Variants in KIAA1958 observed in about 807,000 individuals in gnomAD.
KIAA1958 encodes the protein KIAA1958.
KIAA1958 carries 14 observed loss-of-function variants against 47.2 expected under a neutral mutation model. That is an observed-to-expected ratio of 0.30 (90% CI 0.20 to 0.46). The LOEUF (loss-of-function observed/expected upper bound fraction) is 0.46, where lower values mean the gene tolerates loss of function less well. Ranked by LOEUF, KIAA1958 falls within the 20% of genes least tolerant of loss-of-function variation. The probability of loss-of-function intolerance (pLI) is 1.00; values close to 1 mark genes in which losing one functional copy is unlikely to be tolerated. For missense variants in KIAA1958, 803 were observed against 909.2 expected (o/e 0.88, Z 1.50); for synonymous variants, 354 against 353.3 (o/e 1.00, Z -0.02).
chr9:112,491,914 TTC>T (rs1447912250), intron 1 of KIAA1958, among the ~76,000 whole-genome samples: 2 of 152,220 alleles, frequency 1.3e-5, no homozygotes, highest in Non-Finnish European at 2.9e-5. Context: ...ATTGCAAATA[TTC>T]TGTCCCTTCA....
At chr9:112,534,998 A>AT (rs1424080618) in intron 1 of KIAA1958, among the ~76,000 whole-genome samples, 1 of 152,210 alleles carries the variant, frequency 6.6e-6, no homozygotes, top group Admixed American at 6.5e-5. Flanking sequence ...TAAAAATTGT[A>AT]TATATTTATG....
At chr9:112,614,079 G>A (rs1445105953) in intron 2 of KIAA1958, among the ~76,000 whole-genome samples, 1 of 152,196 alleles carries the variant, frequency 6.6e-6, no homozygotes, top group Non-Finnish European at 1.5e-5. Flanking sequence ...GTGCAGCAAT[G>A]AGGATAAATT....
intron 1 of KIAA1958, among the ~76,000 whole-genome samples, chr9:112,543,589 T>TTTTTTTTTTA (rs1834979973): frequency 1.6e-5 from 1 of 63,846 alleles, no homozygotes; most frequent in African/African-American, 6.2e-5. Context: ...TTTTTTTTTT[T>TTTTTTTTTTA]GAGACCCAGT....
chr9:112,491,103 T>A (rs1833961083), intron 1 of KIAA1958, among the ~76,000 whole-genome samples: 1 of 152,196 alleles, frequency 6.6e-6, no homozygotes, highest in Non-Finnish European at 1.5e-5. Flanking sequence ...TAGCTGGGAC[T>A]ACAGGCACGT....
chr9:112,634,423 G>C (rs979411619), intron 2 of KIAA1958, among the ~76,000 whole-genome samples: 1 of 151,998 alleles, frequency 6.6e-6, no homozygotes, highest in Non-Finnish European at 1.5e-5. Context: ...TAGAGACGGG[G>C]TTTCACCATA....
At chr9:112,591,976 C>T (rs1835931161) in intron 2 of KIAA1958, among the ~76,000 whole-genome samples, 1 of 152,282 alleles carries the variant, frequency 6.6e-6, no homozygotes, top group South Asian at 2.1e-4. Context: ...CCCTGACGCA[C>T]GTGGCCCTTG....
At chr9:112,519,844 C>A (rs949106546) in intron 1 of KIAA1958, among the ~76,000 whole-genome samples, 3 of 152,094 alleles carry the variant, frequency 2.0e-5, no homozygotes, top group African/African-American at 7.2e-5. Flanking sequence ...TTAATTGAAC[C>A]CCAGTAGATT....
At chr9:112,524,817 C>T (rs551192388) in intron 1 of KIAA1958, among the ~76,000 whole-genome samples, 3 of 152,246 alleles carry the variant, frequency 2.0e-5, no homozygotes, top group African/African-American at 7.2e-5. Context: ...CTAGTGCAGC[C>T]CTGGAATCCT....
At chr9:112,510,935 GGTGGGGACAATGTTGGTGCATT>G (rs1255888009) in intron 1 of KIAA1958, among the ~76,000 whole-genome samples, 5 of 152,012 alleles carry the variant, frequency 3.3e-5, no homozygotes, top group African/African-American at 1.2e-4. Context: ...AAATCCCTGA[GGTGGGGACAATGTTGGTGCATT>G]TGCAAAAAAG....
chr9:112,515,908 AAAAAAGAC>A (rs910297804), intron 1 of KIAA1958, among the ~76,000 whole-genome samples: 12 of 148,372 alleles, frequency 8.1e-5, no homozygotes, highest in African/African-American at 2.2e-4. Context: ...AAAAAAAAAA[AAAAAAGAC>A]TGAATGCTTT....
chr9:112,505,228 C>T (rs1834213218), intron 1 of KIAA1958, among the ~76,000 whole-genome samples: 1 of 152,166 alleles, frequency 6.6e-6, no homozygotes, highest in Non-Finnish European at 1.5e-5. Context: ...TTTTATTCTT[C>T]CAATAATGAG....
At chr9:112,604,581 C>G (rs1442813373) in intron 2 of KIAA1958, among the ~76,000 whole-genome samples, 1 of 152,154 alleles carries the variant, frequency 6.6e-6, no homozygotes, top group East Asian at 1.9e-4. Context: ...CAAAACCAAA[C>G]TAGTGATGCA....
chr9:112,547,104 C>G (rs1434845295), intron 1 of KIAA1958, among the ~76,000 whole-genome samples: 1 of 151,946 alleles, frequency 6.6e-6, no homozygotes, highest in Non-Finnish European at 1.5e-5. Context: ...TGGCTTGGCG[C>G]GGTAGCTCAC....
At chr9:112,644,734 TTC>T in intron 2 of KIAA1958, among the ~76,000 whole-genome samples, 1 of 152,302 alleles carries the variant, frequency 6.6e-6, no homozygotes, top group Middle Eastern at 3.4e-3. Flanking sequence ...CCTACAATTT[TTC>T]TCTCACTTGA....
At chr9:112,592,764 C>A (rs1328529834) in intron 2 of KIAA1958, among the ~76,000 whole-genome samples, 10 of 152,112 alleles carry the variant, frequency 6.6e-5, no homozygotes, top group Admixed American at 6.5e-4. Flanking sequence ...CTAGAAAATT[C>A]CCTTTTGGCG....
At chr9:112,518,082 G>A (rs910873511) in intron 1 of KIAA1958, among the ~76,000 whole-genome samples, 77 of 152,302 alleles carry the variant, frequency 5.1e-4, no homozygotes, top group African/African-American at 1.8e-3. Context: ...GCTGGGAGCG[G>A]TGCCACATGC....
intron 1 of KIAA1958, among the ~76,000 whole-genome samples, chr9:112,494,559 C>G (rs942156032): frequency 2.0e-5 from 3 of 149,874 alleles, no homozygotes; most frequent in Non-Finnish European, 4.5e-5. Flanking sequence ...GTGTCAACGT[C>G]TCTGGCCTCA....
intron 1 of KIAA1958, among the ~76,000 whole-genome samples, chr9:112,511,391 A>G (rs1480887393): frequency 1.3e-5 from 2 of 152,364 alleles, no homozygotes; most frequent in Non-Finnish European, 1.5e-5. Context: ...CTAAGGATCC[A>G]TCCGAGCTTA....
chr9:112,603,973 A>T (rs1588036213), intron 2 of KIAA1958, among the ~76,000 whole-genome samples: 1 of 152,212 alleles, frequency 6.6e-6, no homozygotes, highest in Non-Finnish European at 1.5e-5. Flanking sequence ...GAGACAAAAT[A>T]GTCTTCTCTT....
Sources: gnomAD v4.1 joint callset for allele counts (sites outside exome capture counted in the v4.1 genomes callset) on GRCh38, gnomAD v4.1.1 for gene constraint, MANE v1.5 for transcripts, NCBI Gene and HGNC (gene_info 2026-07-23, HGNC 2026-07-21) for gene names.